The following ZFAT variants were observed in gnomAD, a reference collection of about 807,000 sequenced individuals.
The protein encoded by ZFAT is zinc finger and AT-hook domain containing.
Under a neutral mutation model 117.7 loss-of-function variants are expected in ZFAT, and 64 were observed. The observed-to-expected ratio is 0.54, with a 90% CI of 0.44 to 0.67. ZFAT has a LOEUF of 0.67. Among genes scored for constraint, ZFAT ranks in the 30% least tolerant of loss-of-function variants. The probability of loss-of-function intolerance (pLI) is 0.00; values close to 1 mark genes in which losing one functional copy is unlikely to be tolerated. For synonymous variants in ZFAT, 679 were observed against 615.0 expected (o/e 1.10, Z -1.54); for missense variants, 1,433 against 1,584.5 (o/e 0.90, Z 1.62).
chr8:134,815,399 T>C, the ZFAT span, among the ~76,000 whole-genome samples: 3 of 152,224 alleles, frequency 2.0e-5, no homozygotes, highest in Non-Finnish European at 4.4e-5. Context: ...TACCCTCATG[T>C]TTCTTGGCCA....
intron 7 of ZFAT, among the ~76,000 whole-genome samples, chr8:134,591,646 G>A (rs1297317059): frequency 1.3e-5 from 2 of 152,206 alleles, no homozygotes; most frequent in Admixed American, 6.5e-5. Context: ...GGTCACTAGG[G>A]TGGGCCCTCA....
intron 15 of ZFAT, among the ~76,000 whole-genome samples, chr8:134,498,058 A>G (rs1818629412): frequency 1.3e-5 from 1 of 77,052 alleles, no homozygotes; most frequent in Non-Finnish European, 2.7e-5. Context: ...GCTGCTGGTT[A>G]CACACAGAGC....
chr8:134,548,454 C>T lies in ZFAT; in HGVS notation c.2977-15482G>A, dbSNP rs115761000. Among the ~76,000 whole-genome samples the T allele has an allele frequency of 6.7e-3, 1,024 of 152,196 alleles. 10 individuals are homozygous for T. The highest frequency in any genetic ancestry group is 0.024 in the African/African-American group (988 of 41,498). On this transcript the variant is annotated intron_variant, in intron 11 of 15. Coordinates refer to ENST00000377838, the MANE Select transcript of ZFAT (RefSeq NM_020863.4). Reference sequence around the variant, plus strand: ...ATGGAGGGTGGAGGGTGAGGCGGCACGGGAACCAGAGGCCAGGCAGAGCAG... The same window carrying T: ...ATGGAGGGTGGAGGGTGAGGCGGCATGGGAACCAGAGGCCAGGCAGAGCAG...
At position 134,600,609 on chromosome 8, in the gene ZFAT, GT is replaced by G; in HGVS notation, c.2301del (p.Glu767AspfsTer23). The G allele has an allele frequency of 6.2e-7, 1 of 1,613,858 alleles. No individual in the cohort carries two copies. ...FDMHVRTHTR[E>X]HLYYCSQCHY... ...TGACACTGAGAGCAATAATACAGAT[GT>G]TCCCGGGTGTGGGTGCGGACATGCA... On this transcript the variant is annotated frameshift_variant, in exon 7 of 16. Transcript: ENST00000377838. LOFTEE classifies it high-confidence loss of function.
At chr8:134,483,571 AAAT>A (rs1334490183) in intron 15 of ZFAT, among the ~76,000 whole-genome samples, 3 of 152,216 alleles carry the variant, frequency 2.0e-5, no homozygotes, top group Non-Finnish European at 4.4e-5. Flanking sequence ...TTCACCACAG[AAAT>A]AATATGGCGC....
intron 15 of ZFAT, among the ~76,000 whole-genome samples, chr8:134,480,661 T>C (rs1483812313): frequency 6.6e-6 from 1 of 152,204 alleles, no homozygotes; most frequent in Non-Finnish European, 1.5e-5. Context: ...GCATAGGGAC[T>C]GGGGAGCCAT....
At chr8:134,657,476 T>C in intron 2 of ZFAT, 85 bp downstream of exon 2, 1 of 1,330,290 alleles carries the variant, frequency 7.5e-7, no homozygotes, top group Non-Finnish European at 1.0e-6. Flanking sequence ...ATGTGGATTT[T>C]CTAGGCTTCT....
chr8:134,487,731 G>A (rs947132854), intron 15 of ZFAT, among the ~76,000 whole-genome samples: 9 of 152,056 alleles, frequency 5.9e-5, no homozygotes, highest in African/African-American at 2.2e-4. Context: ...GAGAACTCAC[G>A]TCCATGCCCT....
chr8:134,812,122 C>G, the ZFAT span, among the ~76,000 whole-genome samples: 1 of 151,520 alleles, frequency 6.6e-6, no homozygotes, highest in Non-Finnish European at 1.5e-5. Context: ...GCAGCCTGGG[C>G]GACAAGAGCA....
At chr8:134,799,843 C>G in the ZFAT span, among the ~76,000 whole-genome samples, 557 of 152,266 alleles carry the variant, frequency 3.7e-3, 17 homozygotes, top group Non-Finnish European at 7.4e-4. Context: ...AGCATTATGG[C>G]AACTATTTAC....
intron 12 of ZFAT, among the ~76,000 whole-genome samples, chr8:134,529,927 T>C (rs1821294881): frequency 6.6e-6 from 1 of 152,166 alleles, no homozygotes; most frequent in South Asian, 2.1e-4. Context: ...TACCTTCCCT[T>C]AGAAACCCAC....
chr8:134,623,976 G>A (rs1037354615), intron 3 of ZFAT, among the ~76,000 whole-genome samples: 3 of 152,058 alleles, frequency 2.0e-5, no homozygotes, highest in South Asian at 2.1e-4. Context: ...GAGTGTCAGA[G>A]TCATTTCTGC....
intron 1 of ZFAT, among the ~76,000 whole-genome samples, chr8:134,702,780 T>A (rs942653877): frequency 6.6e-6 from 1 of 151,836 alleles, no homozygotes; most frequent in African/African-American, 2.4e-5. Context: ...CACACCATTC[T>A]CCTGCCTCAG....
chr8:134,722,402 CT>C, the ZFAT span, among the ~76,000 whole-genome samples: 1 of 152,178 alleles, frequency 6.6e-6, no homozygotes, highest in South Asian at 2.1e-4. Context: ...ATTCAGGTGG[CT>C]GTTTTGAGTT....
At chr8:134,497,950 C>A (rs1164061950) in intron 15 of ZFAT, among the ~76,000 whole-genome samples, 1 of 142,086 alleles carries the variant, frequency 7.0e-6, no homozygotes, top group Admixed American at 6.9e-5. Flanking sequence ...ACACACAGAG[C>A]CTGATTTGGT....
the ZFAT span, among the ~76,000 whole-genome samples, chr8:134,764,474 A>G: frequency 6.6e-6 from 1 of 152,234 alleles, no homozygotes; most frequent in Non-Finnish European, 1.5e-5. Flanking sequence ...TATACTGGAA[A>G]TATTGCTTAA....
chr8:134,501,014 C>T (rs1166507094), intron 15 of ZFAT, among the ~76,000 whole-genome samples: 2 of 152,140 alleles, frequency 1.3e-5, no homozygotes, highest in Non-Finnish European at 2.9e-5. Context: ...CACCAACCAA[C>T]AAAAGCGTGC....
intron 15 of ZFAT, among the ~76,000 whole-genome samples, chr8:134,507,825 C>T (rs1182803732): frequency 1.3e-5 from 2 of 152,184 alleles, no homozygotes; most frequent in Non-Finnish European, 2.9e-5. Context: ...AAGGATTTTG[C>T]GTGTATGAAA....
chr8:134,799,841 G>C, the ZFAT span, among the ~76,000 whole-genome samples: 2 of 152,204 alleles, frequency 1.3e-5, no homozygotes, highest in South Asian at 2.1e-4. Context: ...TAAGCATTAT[G>C]GCAACTATTT....
Sources: allele counts gnomAD v4.1 joint callset (sites outside exome capture counted in the v4.1 genomes callset), GRCh38; gene constraint gnomAD v4.1.1; transcripts MANE v1.5; gene names NCBI Gene and HGNC (gene_info 2026-07-23, HGNC 2026-07-21).